The following PLXDC2 variants were observed in gnomAD, a reference collection of about 807,000 sequenced individuals.
PLXDC2 encodes plexin domain containing 2.
Under a neutral mutation model 68.9 loss-of-function variants are expected in PLXDC2, and 40 were observed. The observed-to-expected ratio is 0.58, with a 90% confidence interval of 0.45 to 0.76. The LOEUF (loss-of-function observed/expected upper bound fraction) is 0.76. Among genes scored for constraint, PLXDC2 ranks in the 30% least tolerant of loss-of-function variants. The probability of loss-of-function intolerance (pLI) is 0.00; values close to 1 mark genes in which losing one functional copy is unlikely to be tolerated. For missense variants in PLXDC2, 644 were observed against 661.9 expected (o/e 0.97, Z 0.30); for synonymous variants, 243 against 234.2 (o/e 1.04, Z -0.34).
At chr10:20,062,275 T>C (rs1836119362) in intron 3 of PLXDC2, among the ~76,000 whole-genome samples, 1 of 152,004 alleles carries the variant, frequency 6.6e-6, no homozygotes, top group Admixed American at 6.6e-5. Context: ...AACACAAAAA[T>C]CAGCTGGGTA....
chr10:19,908,511 T>G (rs1353143458), intron 1 of PLXDC2, among the ~76,000 whole-genome samples: 1 of 152,154 alleles, frequency 6.6e-6, no homozygotes, highest in Non-Finnish European at 1.5e-5. Flanking sequence ...TTAAGAACAT[T>G]CTTCTAACAT....
chr10:20,067,116 A>G (rs1196738174), intron 3 of PLXDC2, among the ~76,000 whole-genome samples: 1 of 152,186 alleles, frequency 6.6e-6, no homozygotes, highest in Non-Finnish European at 1.5e-5. Flanking sequence ...GATTTTTAAT[A>G]TGTTTTGGGT....
At chr10:20,079,195 G>T (rs1049117233) in intron 4 of PLXDC2, among the ~76,000 whole-genome samples, 1 of 152,048 alleles carries the variant, frequency 6.6e-6, no homozygotes, top group East Asian at 1.9e-4. Flanking sequence ...TTGGGCAAAG[G>T]ATATGAACAG....
chr10:20,212,153 G>A (rs1303541320), intron 10 of PLXDC2, among the ~76,000 whole-genome samples: 2 of 151,888 alleles, frequency 1.3e-5, no homozygotes, highest in Non-Finnish European at 2.9e-5. Context: ...GGGAATAGTA[G>A]GGCCAGGATT....
intron 9 of PLXDC2, among the ~76,000 whole-genome samples, chr10:20,204,581 A>G (rs1313474791): frequency 6.6e-6 from 1 of 152,192 alleles, no homozygotes; most frequent in African/African-American, 2.4e-5. Flanking sequence ...ATCACCAGAT[A>G]ATTCGATGTA....
chr10:20,223,472 C>G (rs1013891478), intron 12 of PLXDC2, among the ~76,000 whole-genome samples: 4 of 151,944 alleles, frequency 2.6e-5, no homozygotes, highest in Admixed American at 2.6e-4. Context: ...GCCACTACAC[C>G]CGGCTAATTT....
intron 7 of PLXDC2, among the ~76,000 whole-genome samples, chr10:20,171,609 C>G (rs1834447029): frequency 6.6e-6 from 1 of 152,000 alleles, no homozygotes; most frequent in Non-Finnish European, 1.5e-5. Flanking sequence ...TTTTTAAAGA[C>G]AAGTAAAAAA....
At chr10:20,184,398 T>C (rs1834651322) in intron 9 of PLXDC2, among the ~76,000 whole-genome samples, 1 of 148,672 alleles carries the variant, frequency 6.7e-6, no homozygotes, top group East Asian at 2.0e-4. Flanking sequence ...TAAAATTGTA[T>C]ACAAACGATA....
intron 1 of PLXDC2, among the ~76,000 whole-genome samples, chr10:19,923,066 TA>T (rs148979619): frequency 0.046 from 6,889 of 150,680 alleles, 173 homozygotes; most frequent in Non-Finnish European, 0.059. Context: ...GGCTTATGTT[TA>T]AAAAAAAAAT....
At chr10:19,995,476 C>T (rs1382150660) in intron 1 of PLXDC2, among the ~76,000 whole-genome samples, 3 of 152,192 alleles carry the variant, frequency 2.0e-5, no homozygotes, top group Non-Finnish European at 4.4e-5. Flanking sequence ...GTCATGTAAA[C>T]TATCTTTTGT....
chr10:20,053,416 G>T (rs1182457276), intron 3 of PLXDC2, among the ~76,000 whole-genome samples: 1 of 152,090 alleles, frequency 6.6e-6, no homozygotes, highest in East Asian at 1.9e-4. Context: ...CAACGAGGCA[G>T]GCACTTTATA....
chr10:20,203,545 A>G (rs561875873), intron 9 of PLXDC2, among the ~76,000 whole-genome samples: 23 of 152,106 alleles, frequency 1.5e-4, no homozygotes, highest in African/African-American at 5.3e-4. Flanking sequence ...TCCTGGGCTC[A>G]GGAGATCCTC....
At chr10:20,174,739 A>G (rs202014211) in intron 7 of PLXDC2, among the ~76,000 whole-genome samples, 1 of 152,058 alleles carries the variant, frequency 6.6e-6, no homozygotes, top group Non-Finnish European at 1.5e-5. Context: ...ACATGTATAC[A>G]TATGTAACAA....
chr10:20,258,007 T>C lies in PLXDC2; in HGVS notation c.1473+12502T>C, dbSNP rs564006625. Among the ~76,000 whole-genome samples the C allele has an allele frequency of 3.5e-3, 502 of 143,056 alleles. 6 individuals are homozygous for C. The highest frequency in any genetic ancestry group is 0.013 in the African/African-American group (485 of 38,640). 93.9% of individuals were successfully genotyped at this position (143,056 alleles called of 152,430 possible). On this transcript the variant is annotated intron_variant, in intron 13 of 13. Transcript: ENST00000377252. ...TTCTTTTTTTTCTTTCTTTTTTTTT[T>C]TTTTTTTTTTTTGAGACAGAGTTTT...
intron 12 of PLXDC2, among the ~76,000 whole-genome samples, chr10:20,221,235 A>G (rs878584): frequency 0.21 from 31,482 of 152,042 alleles, 5,672 homozygotes; most frequent in African/African-American, 0.49. Flanking sequence ...ATTTATCCCA[A>G]TGAAAATACT....
chr10:19,859,181 C>A (rs1482257457), intron 1 of PLXDC2, among the ~76,000 whole-genome samples: 1 of 152,116 alleles, frequency 6.6e-6, no homozygotes, highest in African/African-American at 2.4e-5. Context: ...ATCCAAACAC[C>A]TCCCACCAGG....
intron 2 of PLXDC2, among the ~76,000 whole-genome samples, chr10:20,022,713 C>T (rs1052295402): frequency 6.6e-6 from 1 of 152,086 alleles, no homozygotes; most frequent in African/African-American, 2.4e-5. Flanking sequence ...CCAGAATGAG[C>T]TTAGGAGTTC....
chr10:19,932,952 C>G (rs1833665202), intron 1 of PLXDC2, among the ~76,000 whole-genome samples: 1 of 152,102 alleles, frequency 6.6e-6, no homozygotes. Context: ...TGTATTAGTC[C>G]TTTTATCTAG....
chr10:20,037,212 T>C lies in PLXDC2; in HGVS notation c.325-9657T>C, dbSNP rs151019703. Among the ~76,000 whole-genome samples the C allele has an allele frequency of 2.8e-4, 43 of 152,362 alleles. No homozygotes were observed. In the East Asian group the frequency reaches 7.3e-3, roughly 26 times the overall value. On this transcript the variant is annotated intron_variant, in intron 2 of 13. Coordinates refer to ENST00000377252, the MANE Select transcript of PLXDC2 (RefSeq NM_032812.9). The stretch of plus-strand genomic sequence containing the variant: ...ACATTATTGTAATGTTAATTTTATG[T>C]ATTTTAGTAGAAATCTCATACATAT...
Sources: gnomAD v4.1 joint callset for allele counts (sites outside exome capture counted in the v4.1 genomes callset) on GRCh38, gnomAD v4.1.1 for gene constraint, MANE v1.5 for transcripts, NCBI Gene and HGNC (gene_info 2026-07-23, HGNC 2026-07-21) for gene names.